The following LIN7B variants were observed in gnomAD, a reference collection of about 807,000 sequenced individuals.
LIN7B encodes lin-7 cell polarity scaffold B.
In LIN7B, 16 loss-of-function variants were observed where a neutral mutation model predicts 27.9. That is an observed-to-expected ratio of 0.57 (90% confidence interval 0.39 to 0.87). The LOEUF (loss-of-function observed/expected upper bound fraction) is 0.87. LIN7B is among the 40% of genes least tolerant of loss of function. LIN7B has a pLI of 0.00. For missense variants in LIN7B, 291 were observed against 288.5 expected (o/e 1.01, Z -0.06); for synonymous variants, 147 against 120.8 (o/e 1.22, Z -1.42).
In LIN7B at chr19:49,115,520, A is replaced by G. The variant is rs1026293073; in HGVS notation, c.228+189A>G. On this transcript the variant is annotated intron_variant, in intron 3 of 5. Transcript: ENST00000221459. ...TACTAAGGCATCTTTAGCAACTGCAAATGGAAACAGTATGGCATGGTTGGT... is the reference window on the plus strand; with the variant it reads ...TACTAAGGCATCTTTAGCAACTGCAGATGGAAACAGTATGGCATGGTTGGT... The G allele has an allele frequency of 5.5e-5, 33 of 597,276 alleles. No individual in the cohort carries two copies. In the East Asian group the frequency reaches 9.1e-4, roughly 17 times the overall value. The allele number at this position is 597,276 out of a possible 1,614,324, so 37.0% of individuals were successfully genotyped here.
chr19:49,115,005 C>G (rs762686050), intron 2 of LIN7B, 38 bp downstream of exon 2: 6 of 1,276,570 alleles, frequency 4.7e-6, no homozygotes, highest in Non-Finnish European at 4.1e-6. Flanking sequence ...AGCTGGTGGC[C>G]GTCGTCCTCC....
chr19:49,116,191 C>T, intron 3 of LIN7B, 72 bp from the exon 4 acceptor site: 1 of 1,382,192 alleles, frequency 7.2e-7, no homozygotes, highest in Non-Finnish European at 1.0e-6. Flanking sequence ...TGTCCTCGGT[C>T]CACATCCCCC....
chr19:49,116,295 C>T lies in LIN7B; in HGVS notation c.261C>T (p.Gly87=). The change falls in exon 4 of 6, where the codon GGC becomes GGT. Residue 87 remains glycine, a synonymous_variant. Transcript: ENST00000221459. ...TGGCTGCCTTCACAGCCAGCGAGGG[C>T]CACGCACATCCCAGGGTAGTGGAGC... ...ATVAAFTASE[G]HAHPRVVELP... The T allele has an allele frequency of 6.2e-7, 1 of 1,613,974 alleles. No individual in the cohort carries two copies. The highest frequency in any genetic ancestry group is 8.5e-7 in the Non-Finnish European group (1 of 1,179,950).
In LIN7B at chr19:49,114,463, C is replaced by G. The variant is rs868640217; in HGVS notation, c.37+22C>G. 258 of 1,207,864 alleles carry G rather than the reference C, an allele frequency of 2.1e-4. 2 individuals carry two copies. In the South Asian group the frequency reaches 6.3e-3, roughly 30 times the overall value. The allele number at this position is 1,207,864 out of a possible 1,614,324, so 74.8% of individuals were successfully genotyped here. A position where few individuals can be genotyped will look rare whatever the true frequency, so the allele number is the denominator to read the frequency against. Reference sequence around the variant, plus strand: ...CGGGGTAAGCGTGCGCCAGGGGGCCCTGCCCACCCGGGCCGCGGCCTACAT... The same window carrying G: ...CGGGGTAAGCGTGCGCCAGGGGGCCGTGCCCACCCGGGCCGCGGCCTACAT... On this transcript the variant is annotated intron_variant, in intron 1 of 5. Transcript: ENST00000221459.
At chr19:49,117,640 G>C (rs1215316973) in intron 4 of LIN7B, among the ~76,000 whole-genome samples, 2 of 152,142 alleles carry the variant, frequency 1.3e-5, no homozygotes, top group African/African-American at 2.4e-5. Flanking sequence ...TTTGGCCAGG[G>C]ACTGAGGGAA....
At chr19:49,116,961 T>G (rs552349499) in intron 4 of LIN7B, among the ~76,000 whole-genome samples, 113 of 152,076 alleles carry the variant, frequency 7.4e-4, no homozygotes, top group African/African-American at 2.7e-3. Context: ...ATCACTGTGG[T>G]TAGGCTGGGT....
intron 1 of LIN7B, 63 bp downstream of exon 1, chr19:49,114,504 C>T (rs991614064): frequency 1.7e-5 from 20 of 1,148,996 alleles, no homozygotes; most frequent in Non-Finnish European, 2.0e-5. Context: ...GCCCCCGGTC[C>T]CCGCCCTTCC....
chr19:49,114,807 CTCTGACACTCGGGGTT>C, intron 1 of LIN7B, 26 bp from the exon 2 acceptor site: 3 of 1,217,784 alleles, frequency 2.5e-6, no homozygotes, highest in Non-Finnish European at 3.3e-6. Context: ...GTCTCGGGGT[CTCTGACACTCGGGGTT>C]TCTGCGCCCC....
chr19:49,114,639 T>A, intron 1 of LIN7B, 198 bp downstream of exon 1: 1 of 467,190 alleles, frequency 2.1e-6, no homozygotes, highest in East Asian at 3.6e-5. Context: ...GGCGCCCGCC[T>A]TACAACCCGG....
In LIN7B at chr19:49,117,982, G is replaced by A; in HGVS notation, c.566G>A (p.Arg189His). The stretch of plus-strand genomic sequence containing the variant: ...ATGGAGGCCCGGTTCGAGAAGATGC[G>A]CTCTGCCCGCCGGCGCCAACAGCAT... Reference protein sequence around the residue: ...EEMEARFEKMRSARRRQQHQS... With the variant: ...EEMEARFEKMHSARRRQQHQS... Residue 189 changes from arginine to histidine, a missense_variant, in exon 5 of 6, where the codon CGC becomes CAC. Arg to His is a conservative substitution (Grantham distance 29). Coordinates refer to ENST00000221459, the MANE Select transcript of LIN7B (RefSeq NM_022165.3). 1 of 1,614,006 alleles carries A rather than the reference G, an allele frequency of 6.2e-7. No individual in the cohort carries two copies. The highest frequency in any genetic ancestry group is 8.5e-7 in the Non-Finnish European group (1 of 1,179,960).
At position 49,114,956 on chromosome 19, in the gene LIN7B, G is replaced by A. The variant is rs771709547; in HGVS notation, c.145G>A (p.Ala49Thr). 2.1e-6 allele frequency: 3 copies of A among 1,425,542 alleles called. No homozygotes were observed. In the African/African-American group the frequency reaches 4.4e-5, roughly 21 times the overall value. 88.3% of individuals were successfully genotyped at this position (1,425,542 alleles called of 1,614,324 possible). ...QRVLQSRFCS[A>T]IREVYEQLYD... is the part of the protein sequence containing the mutation. ...AGTTCTGCAGAGCCGCTTCTGCTCC[G>A]CTATCCGAGAGGTGAGGGGCGCGCG... The change falls in exon 2 of 6, where the codon GCT becomes ACT. Residue 49 changes from alanine to threonine, a missense_variant. Physicochemically the swap from Ala to Thr is moderately conservative, Grantham distance 58 (BLOSUM62 0). Coordinates refer to ENST00000221459, the MANE Select transcript of LIN7B (RefSeq NM_022165.3).
At chr19:49,115,121 G>T (rs887585023) in intron 2 of LIN7B, 139 bp from the exon 3 acceptor site, 2 of 927,908 alleles carry the variant, frequency 2.2e-6, no homozygotes, top group Non-Finnish European at 3.1e-6. Flanking sequence ...TTCTTCGGGA[G>T]TTGTAGTTTT....
chr19:49,117,263 AC>A (rs371427407), intron 4 of LIN7B, among the ~76,000 whole-genome samples: 51,751 of 113,058 alleles, frequency 0.46, 12,643 homozygotes, highest in Non-Finnish European at 0.51. Context: ...AAAAAAAAAA[AC>A]AAAACTCACT....
chr19:49,118,297 T>G (rs1401740025), intron 5 of LIN7B, 55 bp from the exon 6 acceptor site: 1 of 1,602,128 alleles, frequency 6.2e-7, no homozygotes, highest in East Asian at 2.2e-5. Flanking sequence ...GTCCTGCCCC[T>G]CTTGTCTACC....
At chr19:49,115,074 C>A in intron 2 of LIN7B, 107 bp downstream of exon 2, 1 of 930,074 alleles carries the variant, frequency 1.1e-6, no homozygotes, top group Non-Finnish European at 1.5e-6. Flanking sequence ...GCTCCCGAGG[C>A]GGCCCGCCTT....
At chr19:49,114,513 C>A in intron 1 of LIN7B, 72 bp downstream of exon 1, 27 of 1,135,474 alleles carry the variant, frequency 2.4e-5, no homozygotes, top group Non-Finnish European at 3.0e-5. Flanking sequence ...CCCCGCCCTT[C>A]CCGGGTCAGG....
intron 5 of LIN7B, 110 bp downstream of exon 5, chr19:49,118,128 G>A (rs1051619480): frequency 1.3e-6 from 2 of 1,521,162 alleles, no homozygotes; most frequent in Non-Finnish European, 1.8e-6. Flanking sequence ...CCCCTCCTCT[G>A]GGATCCTGAC....
At chr19:49,114,751 G>C (rs1354249315) in intron 1 of LIN7B, 98 bp from the exon 2 acceptor site, 5 of 679,326 alleles carry the variant, frequency 7.4e-6, no homozygotes, top group South Asian at 2.6e-5. Flanking sequence ...CGTCCTCCCC[G>C]GACTGTGCGC....
Position 49,115,336 on chromosome 19 carries a change from G to A in LIN7B, c.228+5G>A. On this transcript the variant is annotated splice_donor_5th_base_variant and intron_variant, in intron 3 of 5. Coordinates refer to ENST00000221459, the MANE Select transcript of LIN7B (RefSeq NM_022165.3). Reference sequence around the variant, plus strand: ...CGAGCCCATGCCACAGCCAAGGTGGGCCCCGCACCCCATTGCTCCTGGTGT... The same window carrying A: ...CGAGCCCATGCCACAGCCAAGGTGGACCCCGCACCCCATTGCTCCTGGTGT... 6.4e-7 allele frequency: 1 copy of A among 1,567,696 alleles called. No homozygotes were observed. Among genetic ancestry groups the A allele is most frequent in the Non-Finnish European group, 8.7e-7 (1 of 1,155,176 alleles).
Sources: gnomAD v4.1 joint callset for allele counts (sites outside exome capture counted in the v4.1 genomes callset) on GRCh38, gnomAD v4.1.1 for gene constraint, MANE v1.5 for transcripts, NCBI Gene and HGNC (gene_info 2026-07-23, HGNC 2026-07-21) for gene names.